The following CDH11 variants were observed in gnomAD, a reference collection of about 807,000 sequenced individuals.
CDH11 encodes cadherin-11.
A neutral mutation model predicts 67.8 loss-of-function variants in CDH11; 11 were observed. The observed-to-expected ratio is 0.16, with a 90% CI of 0.10 to 0.27. The LOEUF is 0.27. Ranked by LOEUF, CDH11 falls within the 10% of genes least tolerant of loss-of-function variation. The pLI is 1.00. For synonymous variants in CDH11, 419 were observed against 400.0 expected, an observed-to-expected ratio of 1.05 and a Z score of -0.57; for missense variants, 847 against 1,031.2, an observed-to-expected ratio of 0.82 and a Z score of 2.45.
chr16:64,948,717 C>T lies in CDH11; in HGVS notation c.1895-618G>A, dbSNP rs760318380. 1.5e-5 allele frequency: 24 copies of T among 1,603,884 alleles called. No homozygotes were observed. In the South Asian group the frequency reaches 2.7e-4, roughly 18 times the overall value. ...TTACTTTAACATAGGAAAATAGCAT[C>T]AGCTGGAAGCCCAGATAAAGCAATC... On this transcript the variant is annotated intron_variant, in intron 12 of 12. Coordinates refer to ENST00000268603, the MANE Select transcript of CDH11 (RefSeq NM_001797.4).
intron 2 of CDH11, among the ~76,000 whole-genome samples, chr16:65,006,519 T>C (rs2073058094): frequency 6.6e-6 from 1 of 152,184 alleles, no homozygotes; most frequent in African/African-American, 2.4e-5. Context: ...TCAATCACTC[T>C]GAACCTCCAT....
intron 8 of CDH11, among the ~76,000 whole-genome samples, chr16:64,976,751 T>A (rs2072180939): frequency 6.6e-6 from 1 of 152,050 alleles, no homozygotes; most frequent in South Asian, 2.1e-4. Flanking sequence ...CCCAGCTACT[T>A]GGGAGAGAAT....
intron 1 of CDH11, among the ~76,000 whole-genome samples, chr16:65,114,130 T>A (rs373513476): frequency 1.7e-4 from 26 of 152,202 alleles, no homozygotes; most frequent in African/African-American, 6.0e-4. Flanking sequence ...AATCACCTGT[T>A]CACCTCCTGG....
rs769002373 is a variant in CDH11 at position 64,945,747 on chromosome 16, T to TA, written c.*1855dup. ...AAGTAAAATGGAAGTGAGCACTTCATAAAAAACATTTCTTTGTATGCATGT... is the reference window on the plus strand; with the variant it reads ...AAGTAAAATGGAAGTGAGCACTTCATAAAAAAACATTTCTTTGTATGCATGT... On this transcript the variant is annotated 3_prime_UTR_variant, in exon 13 of 13. Coordinates refer to ENST00000268603, the MANE Select transcript of CDH11 (RefSeq NM_001797.4). The TA allele has an allele frequency of 2.3e-5, 24 of 1,042,842 alleles. No homozygotes were observed. In the Middle Eastern group the frequency reaches 1.3e-3, roughly 57 times the overall value. 64.6% of individuals were successfully genotyped at this position (1,042,842 alleles called of 1,614,324 possible).
rs2071192545 is a variant in CDH11 at position 64,946,150 on chromosome 16, T to C, written c.*1453A>G. On this transcript the variant is annotated 3_prime_UTR_variant, in exon 13 of 13. Transcript: ENST00000268603. ...CCCCAAGCATATTCTAAACAAAGCTTTTTTAAATGAATCGCCCATTCTCAT... is the reference window on the plus strand; with the variant it reads ...CCCCAAGCATATTCTAAACAAAGCTCTTTTAAATGAATCGCCCATTCTCAT... The C allele has an allele frequency of 1.9e-6, 2 of 1,054,674 alleles. No homozygotes were observed. Among genetic ancestry groups the C allele is most frequent in the Middle Eastern group, 4.3e-4 (1 of 2,338 alleles). 65.3% of individuals were successfully genotyped at this position (1,054,674 alleles called of 1,614,324 possible). A position where few individuals can be genotyped will look rare whatever the true frequency, so the allele number is the denominator to read the frequency against.
intron 11 of CDH11, among the ~76,000 whole-genome samples, chr16:64,964,123 T>C (rs918332219): frequency 6.6e-6 from 1 of 152,216 alleles, no homozygotes; most frequent in East Asian, 1.9e-4. Context: ...CAACAATGTA[T>C]TTGATTAGGT....
chr16:64,969,850 A>AT (rs2071953401), intron 11 of CDH11, among the ~76,000 whole-genome samples: 1 of 152,186 alleles, frequency 6.6e-6, no homozygotes, highest in Non-Finnish European at 1.5e-5. Context: ...TACAAAATGA[A>AT]TTCCTGTATT....
chr16:65,109,563 C>A (rs1011817574), intron 1 of CDH11, among the ~76,000 whole-genome samples: 1 of 152,150 alleles, frequency 6.6e-6, no homozygotes, highest in African/African-American at 2.4e-5. Flanking sequence ...AGCTAAGATG[C>A]GACTTGAGGC....
intron 1 of CDH11, among the ~76,000 whole-genome samples, chr16:65,093,205 G>A (rs1044809563): frequency 2.7e-5 from 4 of 145,792 alleles, no homozygotes; most frequent in African/African-American, 1.0e-4. Context: ...CCCAGTGTTG[G>A]GTTCCTTTTT....
At chr16:64,998,955 G>A (rs553557934) in intron 3 of CDH11, 99 bp from the exon 4 acceptor site, 60 of 916,830 alleles carry the variant, frequency 6.5e-5, no homozygotes, top group African/African-American at 5.6e-4. Context: ...ACACACACAC[G>A]TCATGAAAGG....
Position 65,113,853 on chromosome 16 carries a change from C to T in CDH11, c.-298+8027G>A, listed in dbSNP as rs78422042. On this transcript the variant is annotated intron_variant, in intron 1 of 12. Transcript: ENST00000268603. The stretch of plus-strand genomic sequence containing the variant: ...CCCACCCCCCATAAGATGCTGGCGA[C>T]AATCTTAAGTAGCTCATGAGGGCAT... Among the ~76,000 whole-genome samples the T allele has an allele frequency of 0.017, 2,522 of 152,164 alleles. 128 individuals carry two copies. The East Asian group carries it at 0.2, about 12-fold the overall frequency.
At chr16:65,043,901 C>G (rs975722273) in intron 2 of CDH11, among the ~76,000 whole-genome samples, 1 of 152,082 alleles carries the variant, frequency 6.6e-6, no homozygotes, top group Non-Finnish European at 1.5e-5. Context: ...GGGGACAACT[C>G]TGTTTTCTAG....
At chr16:65,058,490 A>G (rs902247604) in intron 1 of CDH11, among the ~76,000 whole-genome samples, 1 of 152,160 alleles carries the variant, frequency 6.6e-6, no homozygotes, top group African/African-American at 2.4e-5. Flanking sequence ...ATACACAGTC[A>G]TCCCTGGGGG....
chr16:64,991,854 C>A lies in CDH11; in HGVS notation c.725G>T (p.Gly242Val), dbSNP rs750200407. Residue 242 changes from glycine (G) to valine (V), a missense_variant, in exon 6 of 13, where the codon GGT (glycine) becomes GTT (valine). Physicochemically the swap from Gly to Val is moderately radical, Grantham distance 109. This residue lies in a region of CDH11 where 235 missense variants were observed against 352.5 expected (regional missense o/e 0.67). Coordinates refer to ENST00000268603, the MANE Select transcript of CDH11 (RefSeq NM_001797.4). ...YHVVIQAKDMGGHMGGLSGTT... is the reference protein window; with the variant it reads ...YHVVIQAKDMVGHMGGLSGTT... ...CCCTGAGAGTCCGCCCATATGTCCA[C>A]CCATGTCCTTGGCCTGGATCACCAC... 6 of 1,613,852 alleles carry A rather than the reference C, an allele frequency of 3.7e-6. No individual in the cohort carries two copies. In the South Asian group the frequency reaches 6.6e-5, roughly 18 times the overall value.
intron 2 of CDH11, among the ~76,000 whole-genome samples, chr16:65,017,975 C>A (rs1011887784): frequency 5.9e-5 from 9 of 152,186 alleles, no homozygotes; most frequent in African/African-American, 2.2e-4. Flanking sequence ...CCTTACTATA[C>A]TTGGCCTGAT....
chr16:65,033,516 G>T (rs1346412208), intron 2 of CDH11, among the ~76,000 whole-genome samples: 1 of 151,990 alleles, frequency 6.6e-6, no homozygotes, highest in Non-Finnish European at 1.5e-5. Context: ...TGAGACGGGT[G>T]GATCACGAGG....
intron 2 of CDH11, among the ~76,000 whole-genome samples, chr16:65,053,367 T>C (rs1018454131): frequency 3.9e-5 from 6 of 152,188 alleles, no homozygotes; most frequent in African/African-American, 1.4e-4. Context: ...TCGAGGGCCA[T>C]GTCATTTGAA....
chr16:64,955,666 G>A (rs892262302), intron 11 of CDH11, among the ~76,000 whole-genome samples: 4 of 152,076 alleles, frequency 2.6e-5, no homozygotes, highest in Non-Finnish European at 5.9e-5. Context: ...GATTGCTTGA[G>A]CCCAGGAGTT....
In CDH11 at chr16:65,043,856, C is replaced by T. The variant is rs569967980; in HGVS notation, c.-173+9948G>A. On this transcript the variant is annotated intron_variant, in intron 2 of 12. Coordinates refer to ENST00000268603, the MANE Select transcript of CDH11 (RefSeq NM_001797.4). ...TTGGGGGGAGGGGAGGAGTAGAATC[C>T]TGGCTCTGCCACATATTACGTGTGA... Among the ~76,000 whole-genome samples, 3 of 152,176 alleles carry T rather than the reference C, an allele frequency of 2.0e-5. No individual in the cohort carries two copies. The South Asian group carries it at 6.2e-4, about 32-fold the overall frequency.
Sources: gnomAD v4.1 joint callset for allele counts (sites outside exome capture counted in the v4.1 genomes callset) on GRCh38, gnomAD v4.1.1 for gene constraint, gnomAD v4.1.1 regional missense constraint, MANE v1.5 for transcripts, NCBI Gene and HGNC (gene_info 2026-07-23, HGNC 2026-07-21) for gene names.